Variants in MOXD1 observed in about 807,000 individuals in gnomAD.
The protein encoded by MOXD1 is monooxygenase DBH like 1, also known as DBH-like monooxygenase protein 1.
A neutral mutation model predicts 66.6 loss-of-function variants in MOXD1; 62 were observed. The ratio of observed to expected loss-of-function variants is 0.93; its 90% CI spans 0.76 to 1.15. The LOEUF is 1.15. Ranked by LOEUF, MOXD1 falls within the 50% of genes most tolerant of loss-of-function variation. The probability of loss-of-function intolerance (pLI) is 0.00; values close to 1 mark genes in which losing one functional copy is unlikely to be tolerated. For synonymous variants in MOXD1, 303 were observed against 281.9 expected (o/e 1.07, Z -0.75); for missense variants, 847 against 754.6 (o/e 1.12, Z -1.44).
intron 1 of MOXD1, among the ~76,000 whole-genome samples, chr6:132,375,854 G>C (rs188798436): frequency 6.6e-6 from 1 of 152,156 alleles, no homozygotes; most frequent in Non-Finnish European, 1.5e-5. Flanking sequence ...AACTCTGAAA[G>C]CTTAAGTTTT....
intron 6 of MOXD1, among the ~76,000 whole-genome samples, chr6:132,324,879 C>T (rs1775153800): frequency 6.6e-6 from 1 of 151,510 alleles, no homozygotes; most frequent in African/African-American, 2.4e-5. Flanking sequence ...TAATCTATTT[C>T]TAGTCAATCA....
At chr6:132,316,871 C>A (rs1774970793) in intron 9 of MOXD1, among the ~76,000 whole-genome samples, 2 of 151,924 alleles carry the variant, frequency 1.3e-5, no homozygotes, top group South Asian at 4.2e-4. Flanking sequence ...AAAAAATATT[C>A]AAAGGAATAA....
intron 9 of MOXD1, among the ~76,000 whole-genome samples, chr6:132,319,975 G>A (rs896796375): frequency 2.6e-5 from 4 of 151,874 alleles, no homozygotes; most frequent in African/African-American, 7.3e-5. Context: ...ACTCAAGTTG[G>A]TCTTATCATT....
At position 132,322,760 on chromosome 6, in the gene MOXD1, C is replaced by A; in HGVS notation, c.1224G>T (p.Met408Ile). The A allele has an allele frequency of 6.2e-7, 1 of 1,614,104 alleles. No homozygotes were observed. The highest frequency in any genetic ancestry group is 1.3e-5 in the African/African-American group (1 of 75,036). The part of the protein sequence containing the change: ...RLRHFRKGKE[M>I]KLLAYDDDFD... ...AATCATCATCATAGGCAAGTAATTT[C>A]ATTTCCTTCCCTTTTCGAAAATGAC... Residue 408 changes from methionine to isoleucine, a missense_variant, in exon 8 of 12, where the codon ATG becomes ATT. Coordinates refer to ENST00000367963, the MANE Select transcript of MOXD1 (RefSeq NM_015529.4).
In MOXD1 at chr6:132,312,598, C is replaced by CT. The variant is rs10710763; in HGVS notation, c.1508+3036dup. ...ACCATGAAGTTAAATGGGTTTTGTC[C>CT]TTTTTTTTTTTCTTTTTTCTTTTTT... On this transcript the variant is annotated intron_variant, in intron 10 of 11. Transcript: ENST00000367963. Among the ~76,000 whole-genome samples the CT allele has an allele frequency of 2.5e-4, 36 of 146,598 alleles. 1 individual carries two copies. Among genetic ancestry groups the CT allele is most frequent in the South Asian group, 4.3e-4 (2 of 4,648 alleles).
rs1425099300 is a variant in MOXD1 at position 132,323,979 on chromosome 6, C to T, written c.1065G>A (p.Met355Ile). 1.9e-6 allele frequency: 3 copies of T among 1,613,708 alleles called. No homozygotes were observed. The highest frequency in any genetic ancestry group is 2.2e-5 in the East Asian group (1 of 44,858). Residue 355 changes from methionine to isoleucine, a missense_variant, in exon 7 of 12, where the codon ATG (methionine) becomes ATA (isoleucine). Transcript: ENST00000367963. ...VSLFHTIPPG[M>I]PEFQSEGHCT... ...AGTGACCCTCAGACTGGAACTCAGG[C>T]ATCCCTGGAGGGATGGTATGGAAGA...
At position 132,320,598 on chromosome 6, in the gene MOXD1, T is replaced by C. The variant is rs374984974; in HGVS notation, c.1365+31A>G. On this transcript the variant is annotated intron_variant, in intron 9 of 11. Transcript: ENST00000367963. ...AAGTTTATTTCTTTCTCTCCATAAATGAACTTTAATAATAATAAAAGTTTT... is the reference window on the plus strand; with the variant it reads ...AAGTTTATTTCTTTCTCTCCATAAACGAACTTTAATAATAATAAAAGTTTT... 1.4e-5 allele frequency: 22 copies of C among 1,534,648 alleles called. No homozygotes were observed. In the African/African-American group the frequency reaches 2.6e-4, roughly 18 times the overall value.
chr6:132,309,917 A>G (rs1774786341), intron 10 of MOXD1, among the ~76,000 whole-genome samples: 1 of 152,250 alleles, frequency 6.6e-6, no homozygotes, highest in Non-Finnish European at 1.5e-5. Flanking sequence ...AAACCTAGGC[A>G]ATACCATTCA....
At chr6:132,398,455 G>T (rs2114702901) in intron 1 of MOXD1, among the ~76,000 whole-genome samples, 1 of 152,220 alleles carries the variant, frequency 6.6e-6, no homozygotes, top group East Asian at 1.9e-4. Flanking sequence ...GAGGTGACTA[G>T]GATAGCAACT....
chr6:132,335,883 T>C (rs953679848), intron 4 of MOXD1, among the ~76,000 whole-genome samples: 1 of 152,206 alleles, frequency 6.6e-6, no homozygotes, highest in African/African-American at 2.4e-5. Flanking sequence ...TGAAGCTAAA[T>C]AGGTTTTTTT....
chr6:132,342,790 G>T (rs1775591129), intron 4 of MOXD1, among the ~76,000 whole-genome samples: 1 of 152,144 alleles, frequency 6.6e-6, no homozygotes, highest in Non-Finnish European at 1.5e-5. Context: ...ATGATTCAGA[G>T]AACTTTTCCA....
intron 10 of MOXD1, among the ~76,000 whole-genome samples, chr6:132,301,461 T>G (rs1774534918): frequency 6.6e-6 from 1 of 152,050 alleles, no homozygotes; most frequent in African/African-American, 2.4e-5. Context: ...TTATACTTGG[T>G]CCCTCTGTTC....
At chr6:132,358,425 C>T (rs1775949734) in intron 4 of MOXD1, among the ~76,000 whole-genome samples, 1 of 152,212 alleles carries the variant, frequency 6.6e-6, no homozygotes, top group African/African-American at 2.4e-5. Flanking sequence ...GATGACATTA[C>T]ATTTTTCTGA....
chr6:132,383,698 A>G (rs188308751), intron 1 of MOXD1, among the ~76,000 whole-genome samples: 12 of 152,352 alleles, frequency 7.9e-5, no homozygotes, highest in Admixed American at 6.5e-4. Context: ...TTTCAGTGGA[A>G]AAAACAATTT....
chr6:132,328,305 A>C, intron 5 of MOXD1, 110 bp downstream of exon 5: 1 of 1,395,180 alleles, frequency 7.2e-7, no homozygotes, highest in Non-Finnish European at 9.7e-7. Flanking sequence ...AGCCACCTTC[A>C]TATCAAAAGT....
In MOXD1 at chr6:132,340,638, ATTTTT is replaced by A. The variant is rs869205496; in HGVS notation, c.664-12049_664-12045del. ...ACAACATGCTAAAACAACAAGACTC[ATTTTT>A]TTTTTTTTTTTTTTTTTTTTTGAGC... On this transcript the variant is annotated intron_variant, in intron 4 of 11. Coordinates refer to ENST00000367963, the MANE Select transcript of MOXD1 (RefSeq NM_015529.4). Among the ~76,000 whole-genome samples, 228 of 98,778 alleles carry A rather than the reference ATTTTT, an allele frequency of 2.3e-3. 11 individuals are homozygous for A. The highest frequency in any genetic ancestry group is 9.6e-3 in the African/African-American group (216 of 22,556). 64.8% of individuals were successfully genotyped at this position (98,778 alleles called of 152,430 possible).
At chr6:132,348,209 C>G (rs946147268) in intron 4 of MOXD1, among the ~76,000 whole-genome samples, 1 of 152,192 alleles carries the variant, frequency 6.6e-6, no homozygotes, top group Admixed American at 6.5e-5. Flanking sequence ...AGGCAACTGT[C>G]TTATTAATCT....
intron 1 of MOXD1, among the ~76,000 whole-genome samples, chr6:132,385,840 C>G (rs1776619487): frequency 1.3e-5 from 2 of 152,106 alleles, no homozygotes; most frequent in Middle Eastern, 6.8e-3. Flanking sequence ...AGGTGGCTCA[C>G]GCCTGTAAAT....
At chr6:132,377,399 C>T (rs2114670061) in intron 1 of MOXD1, among the ~76,000 whole-genome samples, 1 of 152,294 alleles carries the variant, frequency 6.6e-6, no homozygotes, top group East Asian at 1.9e-4. Context: ...ACAATACAAA[C>T]TGTAATCAGT....
Sources: allele counts gnomAD v4.1 joint callset (sites outside exome capture counted in the v4.1 genomes callset), GRCh38; gene constraint gnomAD v4.1.1; transcripts MANE v1.5; gene names NCBI Gene and HGNC (gene_info 2026-07-23, HGNC 2026-07-21).